The following CBL variants were observed in gnomAD, a reference collection of about 807,000 sequenced individuals.
CBL encodes the protein E3 ubiquitin-protein ligase CBL.
A neutral mutation model predicts 96.9 loss-of-function variants in CBL; 45 were observed. The ratio of observed to expected loss-of-function variants is 0.46; its 90% confidence interval spans 0.37 to 0.60. The LOEUF is 0.60. Ranked by LOEUF, CBL falls within the 20% of genes least tolerant of loss-of-function variation. CBL has a pLI of 0.00. For missense variants in CBL, 1,024 were observed against 1,143.5 expected (o/e 0.90, Z 1.51); for synonymous variants, 420 against 426.8 (o/e 0.98, Z 0.20).
At chr11:119,229,054 A>G (rs1004632007) in intron 1 of CBL, among the ~76,000 whole-genome samples, 3 of 152,124 alleles carry the variant, frequency 2.0e-5, no homozygotes, top group African/African-American at 7.2e-5. Context: ...TCTCTTCTGG[A>G]TCTTTCTTAA....
intron 2 of CBL, among the ~76,000 whole-genome samples, chr11:119,238,970 T>C (rs1949565766): frequency 6.6e-6 from 1 of 152,180 alleles, no homozygotes; most frequent in African/African-American, 2.4e-5. Flanking sequence ...TTATTCATTT[T>C]TGTCTTTGTT....
rs757898729 is a variant in CBL, at chr11:119,232,479, C to T, written c.227C>T (p.Ala76Val). Residue 76 changes from alanine to valine, a missense_variant, in exon 2 of 16, where the codon GCG (alanine) becomes GTG (valine). Ala to Val is a moderately conservative substitution (Grantham distance 64). Coordinates refer to ENST00000264033, the MANE Select transcript of CBL (RefSeq NM_005188.4). Reference sequence around the variant, plus strand: ...CGGTTGTGTCAGAACCCAAAGCTGGCGCTAAAGAATAGCCCACCTTATATC... The same window carrying T: ...CGGTTGTGTCAGAACCCAAAGCTGGTGCTAAAGAATAGCCCACCTTATATC... ...VVRLCQNPKL[A>V]LKNSPPYILD... 9 of 1,613,628 alleles carry T rather than the reference C, an allele frequency of 5.6e-6. No homozygotes were observed. In the East Asian group the frequency reaches 6.7e-5, roughly 12 times the overall value.
chr11:119,263,624 T>C (rs1174325404), intron 2 of CBL, among the ~76,000 whole-genome samples: 2 of 152,258 alleles, frequency 1.3e-5, no homozygotes, highest in African/African-American at 4.8e-5. Flanking sequence ...GGCTGAGAAC[T>C]CCTTTTGTAG....
chr11:119,239,341 TAGTTA>T (rs1949568306), intron 2 of CBL, among the ~76,000 whole-genome samples: 1 of 152,206 alleles, frequency 6.6e-6, no homozygotes, highest in Non-Finnish European at 1.5e-5. Context: ...TTTGCCTTCT[TAGTTA>T]AGTTTATTCC....
intron 1 of CBL, 86 bp downstream of exon 1, chr11:119,206,698 G>C (rs1949272214): frequency 1.4e-6 from 2 of 1,416,858 alleles, no homozygotes; most frequent in South Asian, 1.3e-5. Context: ...GGAGGAAGCG[G>C]GGGAGGGGAC....
At chr11:119,214,145 A>G (rs1027699699) in intron 1 of CBL, among the ~76,000 whole-genome samples, 4 of 151,452 alleles carry the variant, frequency 2.6e-5, no homozygotes, top group South Asian at 2.1e-4. Flanking sequence ...GGGTTTCACT[A>G]TGTTGGCCAG....
At chr11:119,210,478 G>T (rs1383256278) in intron 1 of CBL, among the ~76,000 whole-genome samples, 1 of 152,054 alleles carries the variant, frequency 6.6e-6, no homozygotes, top group Non-Finnish European at 1.5e-5. Context: ...CACCCAGGCT[G>T]GAATGCAGTG....
At chr11:119,237,521 T>C (rs760064443) in intron 2 of CBL, among the ~76,000 whole-genome samples, 6 of 152,234 alleles carry the variant, frequency 3.9e-5, no homozygotes, top group Non-Finnish European at 8.8e-5. Context: ...ACCTCTTGTA[T>C]TTAGGTCTTT....
intron 12 of CBL, among the ~76,000 whole-genome samples, chr11:119,293,243 T>C (rs887301796): frequency 2.0e-5 from 3 of 152,064 alleles, no homozygotes; most frequent in Non-Finnish European, 2.9e-5. Flanking sequence ...TAGCTAGGAT[T>C]ACAAGCATGT....
In CBL at chr11:119,298,506, T is replaced by C. The variant is rs763000558; in HGVS notation, c.2400T>C (p.Phe800=). 24 of 1,614,098 alleles carry C rather than the reference T, an allele frequency of 1.5e-5. No individual in the cohort carries two copies. Among genetic ancestry groups the C allele is most frequent in the Non-Finnish European group, 4.2e-6 (5 of 1,180,044 alleles). The part of the protein sequence containing the change: ...LSDISNASSS[F]GWLSLDGDPT... ...ATATCTCTAATGCCAGCTCCTCCTT[T>C]GGCTGGTTGTCTCTGGATGGTGATC... The change falls in exon 15 of 16, where the codon TTT becomes TTC. Residue 800 remains phenylalanine, a synonymous_variant. Transcript: ENST00000264033.
At chr11:119,236,622 T>C (rs866504937) in intron 2 of CBL, among the ~76,000 whole-genome samples, 271 of 144,334 alleles carry the variant, frequency 1.9e-3, no homozygotes, top group African/African-American at 2.9e-3. Context: ...TATATATATA[T>C]ACCCATAGGA....
rs1267820301 is a variant in CBL, at chr11:119,272,027, T to C, written c.590+146T>C. ...TGTATTTCCTGGCTTTGGTTAAATA[T>C]TAAGTTTTTGCTCTGTTCATTGTTT... On this transcript the variant is annotated intron_variant, in intron 3 of 15. Coordinates refer to ENST00000264033, the MANE Select transcript of CBL (RefSeq NM_005188.4). 13 of 783,970 alleles carry C rather than the reference T, an allele frequency of 1.7e-5. No homozygotes were observed. The Admixed American group carries it at 2.2e-4, about 13-fold the overall frequency. 48.6% of individuals were successfully genotyped at this position (783,970 alleles called of 1,614,324 possible). A position where few individuals can be genotyped will look rare whatever the true frequency, so the allele number is the denominator to read the frequency against.
Position 119,285,420 on chromosome 11 carries a change from C to G in CBL, c.1795C>G (p.Pro599Ala), listed in dbSNP as rs1340017837. The change falls in exon 11 of 16, where the codon CCA (proline) becomes GCA (alanine). Residue 599 changes from proline (P) to alanine (A), a missense_variant. Transcript: ENST00000264033. The stretch of plus-strand genomic sequence containing the variant: ...GCTGCCCCGGCCAATCCCCAAAGTA[C>G]CAGTATCTGCCCCAAGTTCCAGTGA... ...SWLPRPIPKV[P>A]VSAPSSSDPW... The G allele has an allele frequency of 6.2e-6, 10 of 1,614,170 alleles. No individual in the cohort carries two copies. The highest frequency in any genetic ancestry group is 8.5e-6 in the Non-Finnish European group (10 of 1,180,040).
intron 2 of CBL, among the ~76,000 whole-genome samples, chr11:119,255,247 C>T (rs1949702844): frequency 6.6e-6 from 1 of 152,026 alleles, no homozygotes; most frequent in Non-Finnish European, 1.5e-5. Context: ...TTTGGAGAAA[C>T]TCCTGGCCAG....
intron 2 of CBL, among the ~76,000 whole-genome samples, chr11:119,251,982 G>A (rs755262797): frequency 6.6e-6 from 1 of 152,202 alleles, no homozygotes; most frequent in Non-Finnish European, 1.5e-5. Context: ...ACAAATGCCT[G>A]CTAGAGATAC....
Position 119,307,008 on chromosome 11 carries a change from G to A in CBL, c.*7227G>A, listed in dbSNP as rs1042626661. ...GCACTGTATCCCAGGCTGCATTTTA[G>A]GACTTAATATGGAAATACCAGAGTC... is the stretch of plus-strand genomic sequence containing the variant. On this transcript the variant is annotated 3_prime_UTR_variant, in exon 16 of 16. Coordinates refer to ENST00000264033, the MANE Select transcript of CBL (RefSeq NM_005188.4). 9 of 227,698 alleles carry A rather than the reference G, an allele frequency of 4.0e-5. No homozygotes were observed. The highest frequency in any genetic ancestry group is 1.6e-4 in the African/African-American group (7 of 44,772). 14.1% of individuals were successfully genotyped at this position (227,698 alleles called of 1,614,324 possible).
chr11:119,209,893 A>G (rs1949303278), intron 1 of CBL, among the ~76,000 whole-genome samples: 1 of 152,200 alleles, frequency 6.6e-6, no homozygotes, highest in Admixed American at 6.5e-5. Flanking sequence ...TAACTGTTGG[A>G]AAAATGTTTG....
At chr11:119,252,035 T>G (rs891096500) in intron 2 of CBL, among the ~76,000 whole-genome samples, 2 of 152,146 alleles carry the variant, frequency 1.3e-5, no homozygotes, top group Non-Finnish European at 2.9e-5. Context: ...ACTTCAATCC[T>G]GGCAGCTTAG....
At chr11:119,274,750 G>GT in intron 4 of CBL, 82 bp from the exon 5 acceptor site, 6 of 1,286,006 alleles carry the variant, frequency 4.7e-6, no homozygotes, top group Non-Finnish European at 6.7e-6. Flanking sequence ...GAGAGTTGGT[G>GT]TTGTTTTTTT....
Sources: gnomAD v4.1 joint callset for allele counts (sites outside exome capture counted in the v4.1 genomes callset) on GRCh38, gnomAD v4.1.1 for gene constraint, MANE v1.5 for transcripts, NCBI Gene and HGNC (gene_info 2026-07-23, HGNC 2026-07-21) for gene names.